TBC1D8: variants seen among roughly 807,000 people sequenced by gnomAD.
TBC1D8 encodes the protein BUB2-like protein 1.
A neutral mutation model predicts 118.8 loss-of-function variants in TBC1D8; 65 were observed. That is an observed-to-expected ratio of 0.55 (90% CI 0.45 to 0.67). The LOEUF is 0.67. TBC1D8 is among the 30% of genes least tolerant of loss of function. TBC1D8 has a pLI of 0.00. For synonymous variants in TBC1D8, 566 were observed against 595.8 expected (o/e 0.95, Z 0.73); for missense variants, 1,376 against 1,471.2 (o/e 0.94, Z 1.06).
chr2:101,032,076 T>C (rs1428430728), intron 11 of TBC1D8, among the ~76,000 whole-genome samples, 192 bp downstream of exon 11: 1 of 152,240 alleles, frequency 6.6e-6, no homozygotes, highest in East Asian at 1.9e-4. Flanking sequence ...GTTTCTTTAT[T>C]CCACTACATT....
chr2:101,097,696 A>AT (rs1486379938), intron 1 of TBC1D8, among the ~76,000 whole-genome samples: 1 of 152,118 alleles, frequency 6.6e-6, no homozygotes, highest in Non-Finnish European at 1.5e-5. Flanking sequence ...CACTTTTTAC[A>AT]TTTTTCACAA....
At chr2:101,114,179 C>A (rs745421143) in intron 1 of TBC1D8, among the ~76,000 whole-genome samples, 2 of 152,182 alleles carry the variant, frequency 1.3e-5, no homozygotes, top group Non-Finnish European at 2.9e-5. Context: ...CCCTTTACAA[C>A]CTTTGCTGTA....
intron 2 of TBC1D8, among the ~76,000 whole-genome samples, chr2:101,070,437 G>C (rs1310673991): frequency 3.7e-4 from 51 of 139,628 alleles, no homozygotes; most frequent in Non-Finnish European, 6.9e-4. Flanking sequence ...TTTTGAGATA[G>C]AGTCTCACTC....
chr2:101,091,559 T>C (rs946342870), intron 1 of TBC1D8, among the ~76,000 whole-genome samples: 10 of 151,754 alleles, frequency 6.6e-5, no homozygotes, highest in Admixed American at 5.3e-4. Context: ...ATCTCATCTC[T>C]ACAGAAAATT....
intron 1 of TBC1D8, among the ~76,000 whole-genome samples, chr2:101,146,504 C>T (rs540823807): frequency 2.6e-5 from 4 of 152,008 alleles, no homozygotes; most frequent in Non-Finnish European, 5.9e-5. Context: ...GCAATAAAAC[C>T]CTGAAAAATC....
chr2:101,136,475 A>C (rs1165643780), intron 1 of TBC1D8, among the ~76,000 whole-genome samples: 1 of 152,202 alleles, frequency 6.6e-6, no homozygotes, highest in Non-Finnish European at 1.5e-5. Context: ...TCTTTTCTTT[A>C]TAAATTCCCA....
At chr2:101,097,289 C>T (rs1196761288) in intron 1 of TBC1D8, among the ~76,000 whole-genome samples, 2 of 151,728 alleles carry the variant, frequency 1.3e-5, no homozygotes, top group Non-Finnish European at 2.9e-5. Context: ...TTCCAGCAGA[C>T]CTAATTAGCA....
At chr2:101,137,333 G>T (rs67885068) in intron 1 of TBC1D8, among the ~76,000 whole-genome samples, 1 of 148,844 alleles carries the variant, frequency 6.7e-6, no homozygotes, top group East Asian at 2.0e-4. Context: ...ACGTTTTTGA[G>T]ACGGAGTCTC....
At chr2:101,098,260 C>T (rs1236327972) in intron 1 of TBC1D8, among the ~76,000 whole-genome samples, 10 of 151,712 alleles carry the variant, frequency 6.6e-5, no homozygotes, top group East Asian at 3.9e-4. Flanking sequence ...GGTGTGGTGG[C>T]AGGGGCTACT....
At chr2:101,137,502 C>T (rs969470514) in intron 1 of TBC1D8, among the ~76,000 whole-genome samples, 2 of 151,776 alleles carry the variant, frequency 1.3e-5, no homozygotes, top group Non-Finnish European at 2.9e-5. Context: ...TTAGTAGAGA[C>T]GGGGTTTCAC....
intron 5 of TBC1D8, among the ~76,000 whole-genome samples, chr2:101,043,953 A>G (rs1681543171): frequency 6.7e-6 from 1 of 150,154 alleles, no homozygotes; most frequent in Non-Finnish European, 1.5e-5. Context: ...AAAACAAACA[A>G]AAAAAAAAGA....
Position 101,054,123 on chromosome 2 carries a change from A to C in TBC1D8, c.616T>G (p.Phe206Val). 1 of 1,612,062 alleles carries C rather than the reference A, an allele frequency of 6.2e-7. No homozygotes were observed. Among genetic ancestry groups the C allele is most frequent in the Non-Finnish European group, 8.5e-7 (1 of 1,179,098 alleles). Residue 206 changes from phenylalanine to valine, a missense_variant, in exon 4 of 20, where the codon TTC becomes GTC. By Grantham distance (50) the Phe-to-Val change is conservative. Coordinates refer to ENST00000409318, the MANE Select transcript of TBC1D8 (RefSeq NM_001330348.2). ...SINHLCFYSF[F>V]LGKELKLVVP... ...CCTCACTTACGTTCCTTGCCCAGGA[A>C]GAAGGAGTAGAAGCAGAGGTGGTTG... is the stretch of plus-strand genomic sequence containing the variant.
At chr2:101,141,162 C>A (rs76254199) in intron 1 of TBC1D8, among the ~76,000 whole-genome samples, 7 of 151,952 alleles carry the variant, frequency 4.6e-5, no homozygotes, top group Admixed American at 4.6e-4. Flanking sequence ...ACACTCACAC[C>A]CCAGTTATGC....
At chr2:101,048,275 G>C (rs1681834828) in intron 5 of TBC1D8, among the ~76,000 whole-genome samples, 1 of 152,194 alleles carries the variant, frequency 6.6e-6, no homozygotes, top group African/African-American at 2.4e-5. Context: ...AGAGGCATTT[G>C]AAGAAATACA....
chr2:101,032,231 C>T (rs553644673), intron 11 of TBC1D8, 37 bp downstream of exon 11: 3 of 1,579,756 alleles, frequency 1.9e-6, no homozygotes, highest in South Asian at 2.2e-5. Flanking sequence ...TGTCACTCTT[C>T]CCCAGATACA....
At chr2:101,102,066 G>A (rs1676878264) in intron 1 of TBC1D8, among the ~76,000 whole-genome samples, 1 of 150,682 alleles carries the variant, frequency 6.6e-6, no homozygotes, top group East Asian at 2.0e-4. Flanking sequence ...GGGAGGGAAG[G>A]GGAGGGGAGG....
intron 1 of TBC1D8, among the ~76,000 whole-genome samples, chr2:101,104,886 C>T (rs763254543): frequency 3.3e-5 from 5 of 151,880 alleles, no homozygotes; most frequent in Non-Finnish European, 7.4e-5. Context: ...TGGTGGCATG[C>T]GCCTGTAATC....
At chr2:101,068,722 T>C (rs1055375173) in intron 2 of TBC1D8, 2 of 296,788 alleles carry the variant, frequency 6.7e-6, no homozygotes, top group Non-Finnish European at 1.2e-5. Context: ...AACTTGGCTG[T>C]ATGTGGTGGC....
In TBC1D8 at chr2:101,019,019, C is replaced by A. The variant is rs764153043; in HGVS notation, c.2827+2662G>T. ...CTAGTTTCTGTGCTAAACAGTGTTA[C>A]AGTCGCCAAGAGCCCATAAAGGGAG... On this transcript the variant is annotated intron_variant, in intron 17 of 19. Coordinates refer to ENST00000409318, the MANE Select transcript of TBC1D8 (RefSeq NM_001330348.2). 18 of 1,612,410 alleles carry A rather than the reference C, an allele frequency of 1.1e-5. 1 individual carries two copies. The South Asian group carries it at 1.7e-4, about 15-fold the overall frequency.
Sources: gnomAD v4.1 joint callset for allele counts (sites outside exome capture counted in the v4.1 genomes callset) on GRCh38, gnomAD v4.1.1 for gene constraint, MANE v1.5 for transcripts, NCBI Gene and HGNC (gene_info 2026-07-23, HGNC 2026-07-21) for gene names.